Variants in RIF1 observed in about 807,000 individuals in gnomAD.
RIF1 encodes telomere-associated protein RIF1.
RIF1 carries 45 observed loss-of-function variants against 247.1 expected under a neutral mutation model. That is an observed-to-expected ratio of 0.18 (90% CI 0.14 to 0.23). The LOEUF (loss-of-function observed/expected upper bound fraction) is 0.23, where lower values mean the gene tolerates loss of function less well. Ranked by LOEUF, RIF1 falls within the 10% of genes least tolerant of loss-of-function variation. The pLI is 1.00. For missense variants in RIF1, 2,967 were observed against 2,862.5 expected (o/e 1.04, Z -0.83); for synonymous variants, 1,087 against 978.8 (o/e 1.11, Z -2.06).
chr2:151,468,596 C>G, intron 32 of RIF1, 45 bp downstream of exon 32: 5 of 1,601,234 alleles, frequency 3.1e-6, no homozygotes, highest in Non-Finnish European at 4.3e-6. Context: ...TTTTCATGTT[C>G]AGTCAGTTGA....
At chr2:151,451,071 T>G (rs1485014548) in intron 20 of RIF1, among the ~76,000 whole-genome samples, 1 of 152,218 alleles carries the variant, frequency 6.6e-6, no homozygotes, top group Non-Finnish European at 1.5e-5. Flanking sequence ...GAAGAGAAAG[T>G]ACAGTGTTTG....
intron 16 of RIF1, among the ~76,000 whole-genome samples, chr2:151,442,684 A>G (rs1046828984): frequency 4.4e-4 from 66 of 150,374 alleles, no homozygotes; most frequent in African/African-American, 1.5e-3. Flanking sequence ...TTTTAAATCT[A>G]TGTTCTTTTT....
chr2:151,420,114 G>T (rs1687921603), intron 6 of RIF1, 76 bp from the exon 7 acceptor site: 1 of 1,271,370 alleles, frequency 7.9e-7, no homozygotes, highest in African/African-American at 1.5e-5. Context: ...GTATATTTCT[G>T]TTTCACCTAT....
At chr2:151,489,975 G>A in intron 9 of RIF1, 1 of 1,582,200 alleles carries the variant, frequency 6.3e-7, no homozygotes, top group South Asian at 1.1e-5. Flanking sequence ...ACTTACTCCA[G>A]CAGTAGATGG....
intron 10 of RIF1, among the ~76,000 whole-genome samples, chr2:151,495,901 C>T (rs1333255395): frequency 6.6e-6 from 1 of 152,104 alleles, no homozygotes; most frequent in Non-Finnish European, 1.5e-5. Flanking sequence ...AAAAACACAA[C>T]AAAATCATAT....
intron 27 of RIF1, 87 bp downstream of exon 27, chr2:151,461,376 A>G: frequency 7.7e-7 from 1 of 1,305,804 alleles, no homozygotes; most frequent in Non-Finnish European, 1.1e-6. Context: ...GTTTAGAACT[A>G]AAATATGTGT....
At chr2:151,412,007 C>T (rs750494581) in intron 3 of RIF1, among the ~76,000 whole-genome samples, 27 of 152,336 alleles carry the variant, frequency 1.8e-4, no homozygotes, top group Non-Finnish European at 3.4e-4. Flanking sequence ...TGGGAATCTA[C>T]ATCTAAGTAA....
chr2:151,444,059 G>A (rs536455683), intron 18 of RIF1, among the ~76,000 whole-genome samples: 5 of 152,300 alleles, frequency 3.3e-5, no homozygotes, highest in African/African-American at 1.2e-4. Context: ...GTTAAGCCAC[G>A]TTGGTGATTA....
chr2:151,428,634 CTT>C (rs1689531598), intron 8 of RIF1, 148 bp from the exon 9 acceptor site: 5 of 650,938 alleles, frequency 7.7e-6, no homozygotes, highest in Admixed American at 6.1e-5. Flanking sequence ...TAACACATCT[CTT>C]TATGTTTTGT....
chr2:151,463,125 T>C lies in RIF1; in HGVS notation c.3605T>C (p.Val1202Ala). ...ENSFVVSSSS[V>A]SNTTVAGTPP... is the part of the protein sequence containing the mutation. ...TCTTTCGTTGTCAGCAGTAGTTCAG[T>C]TTCTAATACCACTGTTGCTGGAACT... Residue 1202 changes from valine to alanine, a missense_variant, in exon 30 of 36, where the codon GTT (valine) becomes GCT (alanine). By Grantham distance (64) the Val-to-Ala change is moderately conservative (BLOSUM62 0). Around this residue, in one of 7 missense-constraint regions of RIF1, gnomAD observed 2,028 missense variants for 1,825.6 expected, o/e 1.11. Transcript: ENST00000444746. 1 of 1,613,966 alleles carries C rather than the reference T, an allele frequency of 6.2e-7. No homozygotes were observed. Among genetic ancestry groups the C allele is most frequent in the Non-Finnish European group, 8.5e-7 (1 of 1,179,862 alleles).
At chr2:151,453,325 C>T (rs1452932027) in intron 21 of RIF1, among the ~76,000 whole-genome samples, 1 of 152,078 alleles carries the variant, frequency 6.6e-6, no homozygotes, top group Non-Finnish European at 1.5e-5. Flanking sequence ...GCCTGTAATA[C>T]CAGCACTTTG....
rs556374327 is a variant in RIF1 at position 151,472,507 on chromosome 2, T to G, written c.7096-1457T>G. Among the ~76,000 whole-genome samples, 1,106 of 152,284 alleles carry G rather than the reference T, an allele frequency of 7.3e-3. 19 individuals carry two copies. Among genetic ancestry groups the G allele is most frequent in the African/African-American group, 0.026 (1,062 of 41,550 alleles). Reference sequence around the variant, plus strand: ...ATTCAGTATGATATTGGCTGTGGGTTTGTCATAAATAGCTCTTATTATTTT... The same window carrying G: ...ATTCAGTATGATATTGGCTGTGGGTGTGTCATAAATAGCTCTTATTATTTT... On this transcript the variant is annotated intron_variant, in intron 34 of 35. Coordinates refer to ENST00000444746, the MANE Select transcript of RIF1 (RefSeq NM_018151.5).
Position 151,437,366 on chromosome 2 carries a change from TTTA to T in RIF1, c.1483+21_1483+23del, listed in dbSNP as rs1691424420. On this transcript the variant is annotated intron_variant, in intron 13 of 35. Coordinates refer to ENST00000444746, the MANE Select transcript of RIF1 (RefSeq NM_018151.5). ...AGATGCCCCCGGTAAGAGAATTTGA[TTTA>T]TTATTTGCTCAAATGTGTGTTTAAA... The T allele has an allele frequency of 6.4e-7, 1 of 1,570,932 alleles. No homozygotes were observed. The highest frequency in any genetic ancestry group is 1.7e-5 in the Admixed American group (1 of 59,850).
chr2:151,451,835 A>G (rs1694365962), intron 21 of RIF1, 130 bp downstream of exon 21: 1 of 580,312 alleles, frequency 1.7e-6, no homozygotes, highest in African/African-American at 1.9e-5. Flanking sequence ...CATGTTAGTT[A>G]CTATGCTAGG....
chr2:151,519,080 T>TG, the RIF1 span: 9 of 1,556,308 alleles, frequency 5.8e-6, no homozygotes, highest in African/African-American at 1.2e-4. Context: ...CTGTGTGTTA[T>TG]GGGGGAAGAA....
At chr2:151,491,112 C>T (rs1403877336) in intron 9 of RIF1, 1 of 153,138 alleles carries the variant, frequency 6.5e-6, no homozygotes, top group African/African-American at 2.4e-5. Flanking sequence ...CTCACTGCAG[C>T]TTCAACTTTC....
intron 8 of RIF1, among the ~76,000 whole-genome samples, chr2:151,427,328 A>T (rs1201718089): frequency 1.3e-5 from 2 of 151,068 alleles, no homozygotes; most frequent in African/African-American, 4.9e-5. Context: ...CTCCTGTCTC[A>T]GCCTCCCGAG....
chr2:151,415,611 T>G (rs1687082530), intron 4 of RIF1, among the ~76,000 whole-genome samples: 1 of 145,372 alleles, frequency 6.9e-6, no homozygotes, highest in African/African-American at 2.6e-5. Context: ...CAGTGTCTCA[T>G]GCCTGTAATC....
At chr2:151,513,672 C>G in the RIF1 span, 161 of 1,604,370 alleles carry the variant, frequency 1.0e-4, 1 homozygote, top group Non-Finnish European at 1.3e-4. Context: ...ACTTCCAGTT[C>G]CAGGTCTCGC....
Sources: gnomAD v4.1 joint callset for allele counts (sites outside exome capture counted in the v4.1 genomes callset) on GRCh38, gnomAD v4.1.1 for gene constraint, gnomAD v4.1.1 regional missense constraint, MANE v1.5 for transcripts, NCBI Gene and HGNC (gene_info 2026-07-23, HGNC 2026-07-21) for gene names.